CNTNAP2: variants seen among roughly 807,000 people sequenced by gnomAD.
CNTNAP2 encodes contactin-associated protein-like 2.
A neutral mutation model predicts 155.2 loss-of-function variants in CNTNAP2; 98 were observed. The ratio of observed to expected loss-of-function variants is 0.63; its 90% CI spans 0.54 to 0.75. The LOEUF (loss-of-function observed/expected upper bound fraction) is 0.75. CNTNAP2 is among the 30% of genes least tolerant of loss of function. The pLI, the probability that CNTNAP2 is intolerant of heterozygous loss-of-function variation, is 0.00. For synonymous variants in CNTNAP2, 651 were observed against 631.2 expected (o/e 1.03, Z -0.47); for missense variants, 1,727 against 1,688.1 (o/e 1.02, Z -0.40).
At position 147,293,712 on chromosome 7, in the gene CNTNAP2, A is replaced by G. The variant is rs74627927; in HGVS notation, c.1349-6429A>G. On this transcript the variant is annotated intron_variant, in intron 8 of 23. Coordinates refer to ENST00000361727, the MANE Select transcript of CNTNAP2 (RefSeq NM_014141.6). ...AACCAGTCTTTTCTTCTTGTCTCTA[A>G]TAAGAGCAACATCTGTTTCTTCTTG... 1.1e-3 allele frequency among the ~76,000 whole-genome samples: 170 copies of G among 152,212 alleles called. 2 individuals are homozygous for G. In the East Asian group the frequency reaches 0.027, roughly 25 times the overall value.
intron 2 of CNTNAP2, among the ~76,000 whole-genome samples, chr7:146,811,426 A>C (rs1010571977): frequency 6.6e-6 from 1 of 152,086 alleles, no homozygotes; most frequent in African/African-American, 2.4e-5. Flanking sequence ...TTGGCATATA[A>C]GAGTTCATAG....
intron 20 of CNTNAP2, among the ~76,000 whole-genome samples, chr7:148,254,135 G>T (rs1253958202): frequency 6.6e-6 from 1 of 152,132 alleles, no homozygotes; most frequent in Non-Finnish European, 1.5e-5. Context: ...CAAAGGCCCT[G>T]CTTTGAGAAT....
chr7:146,245,863 T>C (rs1220498239), intron 1 of CNTNAP2, among the ~76,000 whole-genome samples: 2 of 145,788 alleles, frequency 1.4e-5, no homozygotes, highest in Non-Finnish European at 2.9e-5. Context: ...AAAGAAAGCA[T>C]GTTTGAGATC....
rs35241151 is a variant in CNTNAP2, at chr7:146,664,157, CTTTTT to C, written c.98-110094_98-110090del. Among the ~76,000 whole-genome samples, 396 of 68,500 alleles carry C rather than the reference CTTTTT, an allele frequency of 5.8e-3. 4 individuals carry two copies. The highest frequency in any genetic ancestry group is 0.022 in the African/African-American group (364 of 16,796). 44.9% of individuals were successfully genotyped at this position (68,500 alleles called of 152,430 possible). A position where few individuals can be genotyped will look rare whatever the true frequency, so the allele number is the denominator to read the frequency against. On this transcript the variant is annotated intron_variant, in intron 1 of 23. Coordinates refer to ENST00000361727, the MANE Select transcript of CNTNAP2 (RefSeq NM_014141.6). ...CTTAGTTTGTTGTTACAATAAATTCCTTTTTTTTTTTTTTTTTTTTTTTTGGCACA... is the reference window on the plus strand; with the variant it reads ...CTTAGTTTGTTGTTACAATAAATTCCTTTTTTTTTTTTTTTTTTTGGCACA...
chr7:146,125,204 G>C (rs923450484), intron 1 of CNTNAP2, among the ~76,000 whole-genome samples: 8 of 152,082 alleles, frequency 5.3e-5, no homozygotes, highest in Non-Finnish European at 1.2e-4. Context: ...AAGCATTTAA[G>C]TTATTAAGTT....
At chr7:146,251,819 A>G (rs1233686888) in intron 1 of CNTNAP2, among the ~76,000 whole-genome samples, 1 of 152,256 alleles carries the variant, frequency 6.6e-6, no homozygotes, top group East Asian at 1.9e-4. Context: ...TTGTGGAGAA[A>G]GGACATATTC....
At chr7:147,314,658 C>A (rs1795193782) in intron 9 of CNTNAP2, among the ~76,000 whole-genome samples, 1 of 150,670 alleles carries the variant, frequency 6.6e-6, no homozygotes, top group South Asian at 2.1e-4. Flanking sequence ...AAAAAAAAAT[C>A]CTTTAATATC....
chr7:148,071,207 T>G (rs1422636569), intron 15 of CNTNAP2, among the ~76,000 whole-genome samples: 1 of 152,174 alleles, frequency 6.6e-6, no homozygotes, highest in African/African-American at 2.4e-5. Context: ...CCAGGTGCAG[T>G]GGCTCACGCC....
intron 1 of CNTNAP2, among the ~76,000 whole-genome samples, chr7:146,687,929 A>G (rs951308200): frequency 1.3e-4 from 20 of 152,276 alleles, no homozygotes; most frequent in African/African-American, 4.6e-4. Context: ...AAGTGGTTTT[A>G]CATTACTAAT....
At chr7:147,523,319 G>A (rs541673837) in intron 11 of CNTNAP2, among the ~76,000 whole-genome samples, 8 of 152,244 alleles carry the variant, frequency 5.3e-5, no homozygotes, top group South Asian at 4.1e-4. Context: ...AGGAGACAGC[G>A]AGAGAGAGAA....
At chr7:147,179,865 A>T (rs568958236) in intron 8 of CNTNAP2, among the ~76,000 whole-genome samples, 3 of 151,300 alleles carry the variant, frequency 2.0e-5, no homozygotes, top group African/African-American at 7.2e-5. Flanking sequence ...TGAGGACAAG[A>T]GGCATTTTTG....
intron 20 of CNTNAP2, among the ~76,000 whole-genome samples, chr7:148,261,870 C>T (rs1461115670): frequency 6.6e-6 from 1 of 152,210 alleles, no homozygotes; most frequent in African/African-American, 2.4e-5. Context: ...TCCCCCTCCT[C>T]GAGCCTGTGC....
At chr7:147,738,290 A>T (rs1019670140) in intron 13 of CNTNAP2, among the ~76,000 whole-genome samples, 2 of 152,246 alleles carry the variant, frequency 1.3e-5, no homozygotes, top group African/African-American at 4.8e-5. Context: ...GGGATTTGAG[A>T]GGACTGACTC....
chr7:148,203,833 C>A lies in CNTNAP2; in HGVS notation c.3011-13455C>A, dbSNP rs975780274. On this transcript the variant is annotated intron_variant, in intron 18 of 23. Coordinates refer to ENST00000361727, the MANE Select transcript of CNTNAP2 (RefSeq NM_014141.6). ...GCAAAACAAGCCAGAGGGGTCATTG[C>A]CAAACTAGAAAGAAGCCCAGGGCCA... is the stretch of plus-strand genomic sequence containing the variant. Among the ~76,000 whole-genome samples the A allele has an allele frequency of 5.3e-5, 8 of 152,142 alleles. 1 individual carries two copies. Among genetic ancestry groups the A allele is most frequent in the Admixed American group, 1.3e-4 (2 of 15,268 alleles).
At chr7:147,173,822 C>T (rs4725706) in intron 8 of CNTNAP2, among the ~76,000 whole-genome samples, 52,424 of 152,082 alleles carry the variant, frequency 0.34, 9,977 homozygotes, top group East Asian at 0.56. Flanking sequence ...ACTCTGCACA[C>T]GTTGCTGCTA....
chr7:146,704,080 C>T (rs922731198), intron 1 of CNTNAP2, among the ~76,000 whole-genome samples: 13 of 152,150 alleles, frequency 8.5e-5, no homozygotes, highest in Admixed American at 7.9e-4. Context: ...ATAAAAAATG[C>T]AGCTCTAAGA....
At chr7:147,766,930 A>G (rs575984263) in intron 13 of CNTNAP2, among the ~76,000 whole-genome samples, 2 of 152,226 alleles carry the variant, frequency 1.3e-5, no homozygotes, top group South Asian at 4.1e-4. Flanking sequence ...AAAAATTTCT[A>G]AAATAAGCAT....
intron 15 of CNTNAP2, among the ~76,000 whole-genome samples, chr7:148,085,094 C>A (rs1327960906): frequency 1.3e-5 from 2 of 152,180 alleles, no homozygotes; most frequent in Non-Finnish European, 2.9e-5. Context: ...GGTACACACT[C>A]AATTTATATT....
At chr7:148,385,809 A>G (rs1376710935) in intron 22 of CNTNAP2, among the ~76,000 whole-genome samples, 2 of 135,060 alleles carry the variant, frequency 1.5e-5, no homozygotes, top group Admixed American at 8.9e-5. Flanking sequence ...GTACAATGGC[A>G]CCATTGCAAC....
Sources: gnomAD v4.1 joint callset for allele counts (sites outside exome capture counted in the v4.1 genomes callset) on GRCh38, gnomAD v4.1.1 for gene constraint, MANE v1.5 for transcripts, NCBI Gene and HGNC (gene_info 2026-07-23, HGNC 2026-07-21) for gene names.